Variants in DACH2 observed in about 807,000 individuals in gnomAD.
DACH2 encodes dachshund family transcription factor 2, also known as dachshund homolog 2.
In DACH2, 17 loss-of-function variants were observed where a neutral mutation model predicts 35.8. The ratio of observed to expected loss-of-function variants is 0.48; its 90% CI spans 0.33 to 0.71. DACH2 has a LOEUF of 0.71. DACH2 is among the 30% of genes least tolerant of loss of function. DACH2 has a pLI of 0.02. For synonymous variants in DACH2, 195 were observed against 177.3 expected (o/e 1.10, Z -0.79); for missense variants, 469 against 472.7 (o/e 0.99, Z 0.07).
chrX:86,666,154 T>A (rs1052202978), intron 4 of DACH2, among the ~76,000 whole-genome samples: 14 of 111,480 alleles, frequency 1.3e-4, no homozygotes, highest in African/African-American at 4.2e-4. Flanking sequence ...GTTCCTTTGC[T>A]TCTGGATGAT....
chrX:86,312,526 G>A (rs1424449225), intron 1 of DACH2, among the ~76,000 whole-genome samples: 1 of 111,774 alleles, frequency 8.9e-6, no homozygotes, highest in Non-Finnish European at 1.9e-5. Context: ...GGGTGTGTCT[G>A]TGTGGGTGTT....
chrX:86,279,819 C>T (rs886546799), intron 1 of DACH2, among the ~76,000 whole-genome samples: 1 of 109,310 alleles, frequency 9.1e-6, no homozygotes, highest in Non-Finnish European at 1.9e-5. Context: ...TGGAGAAGAA[C>T]ATAAATGACC....
intron 1 of DACH2, among the ~76,000 whole-genome samples, chrX:86,360,512 G>A (rs958014238): frequency 9.0e-6 from 1 of 111,642 alleles, no homozygotes; most frequent in Non-Finnish European, 1.9e-5. Context: ...TGTTTGAGAA[G>A]CCTATAAATA....
intron 1 of DACH2, among the ~76,000 whole-genome samples, chrX:86,294,930 G>T (rs1415592449): frequency 9.0e-6 from 1 of 110,550 alleles, no homozygotes; most frequent in Admixed American, 9.5e-5. Flanking sequence ...AGGCCTCCTT[G>T]AGCTGTGGTG....
At chrX:86,730,702 T>A (rs1298898325) in intron 6 of DACH2, among the ~76,000 whole-genome samples, 1 of 112,022 alleles carries the variant, frequency 8.9e-6, no homozygotes, top group Non-Finnish European at 1.9e-5. Context: ...GATTAAGTAT[T>A]TAGATAGACA....
intron 3 of DACH2, among the ~76,000 whole-genome samples, chrX:86,526,634 A>T (rs900858578): frequency 1.4e-4 from 16 of 110,879 alleles, no homozygotes; most frequent in Non-Finnish European, 1.3e-4. Context: ...GAGCTTAAAA[A>T]TGTTATTAAT....
At chrX:86,292,882 C>G (rs1212629944) in intron 1 of DACH2, among the ~76,000 whole-genome samples, 5 of 106,805 alleles carry the variant, frequency 4.7e-5, no homozygotes, top group Non-Finnish European at 9.6e-5. Flanking sequence ...TGGTGTGGTG[C>G]TGAAGAAAAT....
chrX:86,623,490 G>GA (rs901310285), intron 3 of DACH2, among the ~76,000 whole-genome samples: 15 of 110,717 alleles, frequency 1.4e-4, no homozygotes, highest in East Asian at 2.9e-4. Context: ...GTTTGTGATG[G>GA]AAAAAAAAGG....
At chrX:86,810,030 A>G (rs2042380569) in intron 7 of DACH2, among the ~76,000 whole-genome samples, 1 of 111,539 alleles carries the variant, frequency 9.0e-6, no homozygotes, top group Non-Finnish European at 1.9e-5. Flanking sequence ...TCACTGCAGC[A>G]AGCAACACCT....
intron 2 of DACH2, among the ~76,000 whole-genome samples, chrX:86,509,325 C>A (rs2038366571): frequency 9.0e-6 from 1 of 111,625 alleles, no homozygotes; most frequent in Non-Finnish European, 1.9e-5. Context: ...TGATTGATGC[C>A]CAGTTTAACA....
intron 2 of DACH2, among the ~76,000 whole-genome samples, chrX:86,411,138 A>G (rs1211094453): frequency 9.7e-6 from 1 of 102,744 alleles, no homozygotes; most frequent in Non-Finnish European, 2.0e-5. Flanking sequence ...GAGCCAGTCC[A>G]AGTCCCAAAA....
At chrX:86,262,910 G>C (rs2033651801) in intron 1 of DACH2, 1 of 565,885 alleles carries the variant, frequency 1.8e-6, no homozygotes, top group Non-Finnish European at 2.1e-6. Context: ...GAAATAGAAA[G>C]AAACAAACAA....
intron 4 of DACH2, among the ~76,000 whole-genome samples, chrX:86,664,221 C>T (rs1230846946): frequency 1.8e-5 from 2 of 111,473 alleles, no homozygotes; most frequent in Non-Finnish European, 3.8e-5. Flanking sequence ...CATTTGTTTT[C>T]CTAGTGTAGA....
intron 1 of DACH2, among the ~76,000 whole-genome samples, chrX:86,313,001 G>A (rs936050953): frequency 1.8e-5 from 2 of 111,309 alleles, no homozygotes; most frequent in African/African-American, 6.5e-5. Flanking sequence ...TTGTGCAGTA[G>A]GGTGACTACA....
At chrX:86,346,357 G>A (rs1442599168) in intron 1 of DACH2, among the ~76,000 whole-genome samples, 1 of 108,702 alleles carries the variant, frequency 9.2e-6, no homozygotes, top group Non-Finnish European at 1.9e-5. Context: ...CCTACAGCAG[G>A]TATCACTTTC....
At chrX:86,707,906 T>A (rs1602827753) in intron 5 of DACH2, among the ~76,000 whole-genome samples, 2 of 8,775 alleles carry the variant, frequency 2.3e-4, no homozygotes, top group African/African-American at 1.4e-3. Context: ...AGAGTAAGAC[T>A]CCATCTAAAA....
At chrX:86,468,525 C>T (rs371861293) in intron 2 of DACH2, among the ~76,000 whole-genome samples, 1 of 111,535 alleles carries the variant, frequency 9.0e-6, no homozygotes, top group Non-Finnish European at 1.9e-5. Context: ...ATTGTTGTGT[C>T]AGTTAAAAGC....
intron 1 of DACH2, among the ~76,000 whole-genome samples, chrX:86,196,320 C>A (rs1489992016): frequency 9.0e-6 from 1 of 110,924 alleles, no homozygotes; most frequent in Non-Finnish European, 1.9e-5. Flanking sequence ...ATAGACCAAG[C>A]GCAGGAAAGA....
chrX:86,455,761 C>CGGA (rs1350686681), intron 2 of DACH2, among the ~76,000 whole-genome samples: 1 of 112,370 alleles, frequency 8.9e-6, no homozygotes, highest in Non-Finnish European at 1.9e-5. Flanking sequence ...TCCAAGCCAG[C>CGGA]GGATCTTAAC....
Sources: gnomAD v4.1 joint callset for allele counts (sites outside exome capture counted in the v4.1 genomes callset) on GRCh38, gnomAD v4.1.1 for gene constraint, MANE v1.5 for transcripts, NCBI Gene and HGNC (gene_info 2026-07-23, HGNC 2026-07-21) for gene names.